Variants in UMAD1 observed in about 807,000 individuals in gnomAD.
The protein encoded by UMAD1 is UBAP1-MVB12-associated (UMA)-domain containing protein 1.
In UMAD1, 8 loss-of-function variants were observed where a neutral mutation model predicts 6.1. The ratio of observed to expected loss-of-function variants is 1.30; its 90% confidence interval spans 0.76 to 2.35. The LOEUF (loss-of-function observed/expected upper bound fraction) is 2.35, where lower values mean the gene tolerates loss of function less well. UMAD1 is among the 30% of genes most tolerant of loss of function. The probability of loss-of-function intolerance (pLI) is 0.00; values close to 1 mark genes in which losing one functional copy is unlikely to be tolerated. For missense variants in UMAD1, 130 were observed against 78.4 expected, an observed-to-expected ratio of 1.66 and a Z score of -2.49; for synonymous variants, 56 against 31.4, an observed-to-expected ratio of 1.78 and a Z score of -2.61.
At chr7:7,752,370 C>T (rs184603988) in intron 2 of UMAD1, among the ~76,000 whole-genome samples, 53 of 152,116 alleles carry the variant, frequency 3.5e-4, no homozygotes, top group African/African-American at 1.1e-3. Flanking sequence ...CCACAAAATA[C>T]GTATCGAGAA....
intron 3 of UMAD1, among the ~76,000 whole-genome samples, chr7:7,803,856 G>A (rs927132672): frequency 8.5e-5 from 13 of 152,076 alleles, no homozygotes; most frequent in Non-Finnish European, 1.8e-4. Context: ...TTCAACATAC[G>A]AATTTTGGAG....
chr7:7,701,362 T>C (rs1171241900), intron 2 of UMAD1, among the ~76,000 whole-genome samples: 1 of 152,072 alleles, frequency 6.6e-6, no homozygotes, highest in Non-Finnish European at 1.5e-5. Flanking sequence ...TTGCATTTGC[T>C]AGAAGAAAAC....
At chr7:7,835,462 CTTTTTTTTTTTTTTTTTTTTTT>C (rs150411259) in intron 3 of UMAD1, among the ~76,000 whole-genome samples, 6 of 33,684 alleles carry the variant, frequency 1.8e-4, no homozygotes, top group Middle Eastern at 0.024. Flanking sequence ...TGAAACAGCA[CTTTTTTTTTTTTTTTTTTTTTT>C]TTTTTTTTTT....
intron 3 of UMAD1, among the ~76,000 whole-genome samples, chr7:7,864,360 A>G (rs1784184470): frequency 6.6e-6 from 1 of 152,048 alleles, no homozygotes; most frequent in Non-Finnish European, 1.5e-5. Flanking sequence ...TAAGAACATT[A>G]CTCACCCAGT....
intron 3 of UMAD1, among the ~76,000 whole-genome samples, chr7:7,827,137 A>ATGTGTG (rs374866603): frequency 0.071 from 9,213 of 128,990 alleles, 376 homozygotes; most frequent in Non-Finnish European, 0.089. Flanking sequence ...ATATATATAT[A>ATGTGTG]TATATATATA....
At chr7:7,855,436 C>T (rs1174910824) in intron 3 of UMAD1, among the ~76,000 whole-genome samples, 1 of 152,168 alleles carries the variant, frequency 6.6e-6, no homozygotes, top group Non-Finnish European at 1.5e-5. Context: ...TTCTGCATGC[C>T]CCAAGACCAA....
chr7:7,867,977 C>T (rs1784263824), intron 3 of UMAD1, among the ~76,000 whole-genome samples: 1 of 151,936 alleles, frequency 6.6e-6, no homozygotes, highest in Non-Finnish European at 1.5e-5. Flanking sequence ...AGGAGATCCT[C>T]ACTCGGTGGT....
At chr7:7,710,976 C>G (rs948447729) in intron 2 of UMAD1, among the ~76,000 whole-genome samples, 1 of 152,174 alleles carries the variant, frequency 6.6e-6, no homozygotes, top group African/African-American at 2.4e-5. Context: ...ATGTAGCATT[C>G]TTGAAATGAC....
chr7:7,821,532 A>G (rs1002714118), intron 3 of UMAD1, among the ~76,000 whole-genome samples: 1 of 152,156 alleles, frequency 6.6e-6, no homozygotes, highest in Non-Finnish European at 1.5e-5. Flanking sequence ...CTTAATATGT[A>G]CAGTAAATAT....
intron 2 of UMAD1, among the ~76,000 whole-genome samples, chr7:7,743,361 A>G (rs1467264791): frequency 6.6e-6 from 1 of 152,188 alleles, no homozygotes; most frequent in East Asian, 1.9e-4. Flanking sequence ...GTGAAATAGC[A>G]AAACAATTAA....
intron 2 of UMAD1, among the ~76,000 whole-genome samples, chr7:7,692,730 C>T (rs1445804313): frequency 6.6e-6 from 1 of 152,172 alleles, no homozygotes. Context: ...CTGCCTCAGC[C>T]TCCCGAGTAG....
chr7:7,823,237 A>T (rs1783275715), intron 3 of UMAD1, among the ~76,000 whole-genome samples: 1 of 152,142 alleles, frequency 6.6e-6, no homozygotes, highest in Non-Finnish European at 1.5e-5. Context: ...CACCCCCAAA[A>T]AGATAAATAG....
At chr7:7,695,293 T>G (rs1056633542) in intron 2 of UMAD1, among the ~76,000 whole-genome samples, 1 of 152,234 alleles carries the variant, frequency 6.6e-6, no homozygotes, top group Non-Finnish European at 1.5e-5. Flanking sequence ...CACCACAGTT[T>G]ATCTCATAGA....
intron 2 of UMAD1, among the ~76,000 whole-genome samples, chr7:7,739,793 C>T (rs1212256483): frequency 6.6e-6 from 1 of 152,126 alleles, no homozygotes; most frequent in South Asian, 2.1e-4. Flanking sequence ...ATGACAGATT[C>T]ATGAAGAGTA....
chr7:7,837,859 C>A (rs572588865), intron 3 of UMAD1, among the ~76,000 whole-genome samples: 6 of 151,816 alleles, frequency 4.0e-5, no homozygotes, highest in Non-Finnish European at 7.4e-5. Context: ...CATAAGGGTA[C>A]GTAAAGGTTT....
At chr7:7,727,907 G>A (rs936191818) in intron 2 of UMAD1, among the ~76,000 whole-genome samples, 1 of 152,100 alleles carries the variant, frequency 6.6e-6, no homozygotes, top group East Asian at 1.9e-4. Flanking sequence ...GTGATTTAAT[G>A]CTCCTTAATA....
chr7:7,783,396 GTTTT>G (rs78806915), intron 2 of UMAD1, among the ~76,000 whole-genome samples: 2 of 147,952 alleles, frequency 1.4e-5, no homozygotes, highest in African/African-American at 5.0e-5. Flanking sequence ...AATAGAAGTT[GTTTT>G]TTTTTTTTTT....
Position 7,851,015 on chromosome 7 carries a change from C to G in UMAD1, c.157-26266C>G, listed in dbSNP as rs534222636. 7.2e-4 allele frequency among the ~76,000 whole-genome samples: 109 copies of G among 152,194 alleles called. 1 individual carries two copies. Among genetic ancestry groups the G allele is most frequent in the African/African-American group, 2.5e-3 (103 of 41,552 alleles). ...GTGTTCAAAGATATATAAAACCTAA[C>G]TTATGACCAGTATATATATTTTTAC... On this transcript the variant is annotated intron_variant, in intron 3 of 3. Transcript: ENST00000682710.
At chr7:7,783,798 G>A (rs939449655) in intron 2 of UMAD1, among the ~76,000 whole-genome samples, 1 of 152,132 alleles carries the variant, frequency 6.6e-6, no homozygotes, top group Non-Finnish European at 1.5e-5. Context: ...CCTGTTATAC[G>A]CGGTAATGCA....
Sources: gnomAD v4.1 joint callset for allele counts (sites outside exome capture counted in the v4.1 genomes callset) on GRCh38, gnomAD v4.1.1 for gene constraint, MANE v1.5 for transcripts, NCBI Gene and HGNC (gene_info 2026-07-23, HGNC 2026-07-21) for gene names.